The following KANSL1L variants were observed in gnomAD, a reference collection of about 807,000 sequenced individuals.
KANSL1L encodes KAT8 regulatory NSL complex subunit 1 like.
A neutral mutation model predicts 108.6 loss-of-function variants in KANSL1L; 25 were observed. That is an observed-to-expected ratio of 0.23 (90% CI 0.17 to 0.32). The LOEUF is 0.32. Among genes scored for constraint, KANSL1L ranks in the 10% least tolerant of loss-of-function variants. The probability of loss-of-function intolerance (pLI) is 1.00; values close to 1 mark genes in which losing one functional copy is unlikely to be tolerated. For synonymous variants in KANSL1L, 405 were observed against 395.1 expected (o/e 1.03, Z -0.30); for missense variants, 1,137 against 1,125.7 (o/e 1.01, Z -0.14).
At chr2:210,138,721 T>C (rs1426065148) in intron 2 of KANSL1L, among the ~76,000 whole-genome samples, 2 of 152,214 alleles carry the variant, frequency 1.3e-5, no homozygotes, top group Non-Finnish European at 2.9e-5. Flanking sequence ...CTAATTAACA[T>C]ATCCATCATC....
chr2:210,038,962 TGTC>T (rs1352357684), intron 8 of KANSL1L, among the ~76,000 whole-genome samples: 1 of 151,986 alleles, frequency 6.6e-6, no homozygotes, highest in Admixed American at 6.5e-5. Flanking sequence ...TTGTTGTTGT[TGTC>T]ATTATTATTT....
At chr2:210,161,521 T>G (rs1385478678) in intron 1 of KANSL1L, among the ~76,000 whole-genome samples, 1 of 152,158 alleles carries the variant, frequency 6.6e-6, no homozygotes, top group Non-Finnish European at 1.5e-5. Flanking sequence ...TAGGCAAAGC[T>G]TTTTTTAGAT....
At chr2:210,121,246 G>A (rs1046898681) in intron 3 of KANSL1L, among the ~76,000 whole-genome samples, 3 of 152,020 alleles carry the variant, frequency 2.0e-5, no homozygotes, top group Admixed American at 6.6e-5. Flanking sequence ...GAATCAACCC[G>A]AATGCCCATC....
intron 6 of KANSL1L, among the ~76,000 whole-genome samples, chr2:210,071,135 G>A (rs1401837136): frequency 6.6e-6 from 1 of 152,070 alleles, no homozygotes; most frequent in Non-Finnish European, 1.5e-5. Flanking sequence ...TCCAGCCTGG[G>A]CAACAGAGTA....
intron 11 of KANSL1L, chr2:210,028,575 A>G: frequency 3.6e-6 from 1 of 280,804 alleles, no homozygotes; most frequent in Non-Finnish European, 6.6e-6. Flanking sequence ...TCATATACAT[A>G]GTAGATAACA....
At chr2:210,145,793 A>G (rs1426171346) in intron 2 of KANSL1L, among the ~76,000 whole-genome samples, 1 of 152,230 alleles carries the variant, frequency 6.6e-6, no homozygotes, top group Non-Finnish European at 1.5e-5. Flanking sequence ...GGTTGAGGCT[A>G]GTCCACAGCC....
intron 5 of KANSL1L, among the ~76,000 whole-genome samples, chr2:210,079,473 A>G (rs1182150264): frequency 2.0e-5 from 3 of 150,250 alleles, no homozygotes; most frequent in Non-Finnish European, 4.4e-5. Flanking sequence ...GCCCATACCT[A>G]TAATCCTAGC....
chr2:210,031,447 T>G lies in KANSL1L; in HGVS notation c.2129A>C (p.Lys710Thr). The change falls in exon 9 of 15, where the codon AAA becomes ACA. Residue 710 changes from lysine (K) to threonine (T), a missense_variant. Physicochemically the swap from Lys to Thr is moderately conservative, Grantham distance 78. This residue lies in a region of KANSL1L where 575 missense variants were observed against 567.1 expected (regional missense o/e 1.01). Coordinates refer to ENST00000281772, the MANE Select transcript of KANSL1L (RefSeq NM_152519.4). ...TAATGCTGTTTCACTCAAATGTCTT[T>G]TCTTTCTTCCCTGTAACAGTTGTGC... Reference protein sequence around the residue: ...SSAQLLQGRKKRHLSETALGE... With the variant: ...SSAQLLQGRKTRHLSETALGE... 2.5e-6 allele frequency: 4 copies of G among 1,601,656 alleles called. No individual in the cohort carries two copies. Among genetic ancestry groups the G allele is most frequent in the Non-Finnish European group, 3.4e-6 (4 of 1,170,148 alleles).
intron 3 of KANSL1L, among the ~76,000 whole-genome samples, chr2:210,117,929 C>T (rs1005159771): frequency 1.1e-4 from 16 of 151,980 alleles, no homozygotes; most frequent in Non-Finnish European, 1.9e-4. Context: ...TTTGGGAGGC[C>T]GAGACAGGTG....
intron 12 of KANSL1L, among the ~76,000 whole-genome samples, chr2:210,026,915 T>G (rs1211275396): frequency 2.0e-5 from 3 of 152,026 alleles, no homozygotes; most frequent in Non-Finnish European, 4.4e-5. Context: ...GGACTACAGG[T>G]GCCCACCACC....
At chr2:210,168,295 T>G (rs1241456213) in intron 1 of KANSL1L, among the ~76,000 whole-genome samples, 1 of 152,062 alleles carries the variant, frequency 6.6e-6, no homozygotes, top group African/African-American at 2.4e-5. Context: ...GCTCTCTGCC[T>G]CCTTCAACTA....
rs769418804 is a variant in KANSL1L, at chr2:210,075,537, C to G, written c.1755+15G>C. ...TGAATCTTTGATCATGTTTTCTTCC[C>G]AAAGGCAGCCTTACCTGTGGAGTCC... On this transcript the variant is annotated intron_variant, in intron 6 of 14. Transcript: ENST00000281772. 3 of 1,580,810 alleles carry G rather than the reference C, an allele frequency of 1.9e-6. No individual in the cohort carries two copies. Among genetic ancestry groups the G allele is most frequent in the African/African-American group, 2.7e-5 (2 of 74,080 alleles).
chr2:210,032,521 CTG>C (rs896345990), intron 8 of KANSL1L: 7 of 152,194 alleles, frequency 4.6e-5, no homozygotes, highest in Non-Finnish European at 1.0e-4. Flanking sequence ...GAAAGGAAAA[CTG>C]GGAGCAGGAC....
intron 1 of KANSL1L, among the ~76,000 whole-genome samples, chr2:210,170,827 G>A (rs1329278596): frequency 1.3e-5 from 2 of 152,112 alleles, no homozygotes; most frequent in East Asian, 1.9e-4. Context: ...AAACAAAAGG[G>A]AGGTCTGCCA....
At chr2:210,083,663 C>T (rs746611021) in intron 5 of KANSL1L, among the ~76,000 whole-genome samples, 1 of 151,684 alleles carries the variant, frequency 6.6e-6, no homozygotes. Flanking sequence ...CCCGTCTCTA[C>T]TAAACATACA....
chr2:210,094,218 TG>T (rs1319186742), intron 5 of KANSL1L, among the ~76,000 whole-genome samples: 2 of 152,186 alleles, frequency 1.3e-5, no homozygotes, highest in Non-Finnish European at 2.9e-5. Context: ...ATTTTTGTTA[TG>T]TATGTTTTAT....
intron 2 of KANSL1L, among the ~76,000 whole-genome samples, chr2:210,132,016 A>C (rs1055514966): frequency 6.6e-6 from 1 of 152,148 alleles, no homozygotes; most frequent in African/African-American, 2.4e-5. Flanking sequence ...TTTTCTGTAG[A>C]GGGTAACTTA....
intron 6 of KANSL1L, among the ~76,000 whole-genome samples, chr2:210,055,442 C>T (rs2094339849): frequency 6.6e-6 from 1 of 152,090 alleles, no homozygotes; most frequent in South Asian, 2.1e-4. Context: ...CAGGAAGAGA[C>T]TGAAACAGTT....
At chr2:210,129,211 G>A (rs780785335) in intron 2 of KANSL1L, 39 bp from the exon 3 acceptor site, 4 of 1,515,646 alleles carry the variant, frequency 2.6e-6, no homozygotes, top group African/African-American at 2.8e-5. Flanking sequence ...AAGCACAAAG[G>A]CAATCAAGTT....
Sources: allele counts gnomAD v4.1 joint callset (sites outside exome capture counted in the v4.1 genomes callset), GRCh38; gene constraint gnomAD v4.1.1; regional missense constraint gnomAD v4.1.1; transcripts MANE v1.5; gene names NCBI Gene and HGNC (gene_info 2026-07-23, HGNC 2026-07-21).